ZNF581: variants seen among roughly 807,000 people sequenced by gnomAD.
ZNF581 encodes zinc finger protein 581.
In ZNF581, 1 loss-of-function variant was observed where a neutral mutation model predicts 1.2. The observed-to-expected ratio is 0.83, with a 90% confidence interval of 0.30 to 3.95. ZNF581 has a LOEUF of 3.95. ZNF581 is among the 30% of genes most tolerant of loss of function. The pLI is 0.18. For synonymous variants in ZNF581, 105 were observed against 109.2 expected, an observed-to-expected ratio of 0.96 and a Z score of 0.24; for missense variants, 273 against 274.6, an observed-to-expected ratio of 0.99 and a Z score of 0.04.
chr19:55,645,020 G>A lies in ZNF581; in HGVS notation c.449G>A (p.Cys150Tyr). 6.3e-7 allele frequency: 1 copy of A among 1,593,318 alleles called. No individual in the cohort carries two copies. Among genetic ancestry groups the A allele is most frequent in the Non-Finnish European group, 8.6e-7 (1 of 1,164,602 alleles). Residue 150 changes from cysteine (C) to tyrosine (Y), a missense_variant, in exon 2 of 2, where the codon TGC (cysteine) becomes TAC (tyrosine). Transcript: ENST00000270451. Reference sequence around the variant, plus strand: ...GGGCGGCCCCACGGCTGCCCGCTCTGCCCTCGCCGCTTCCGGGATGCGGGT... The same window carrying A: ...GGGCGGCCCCACGGCTGCCCGCTCTACCCTCGCCGCTTCCGGGATGCGGGT... ...GGGRPHGCPL[C>Y]PRRFRDAGEL...
At chr19:55,643,475 C>T (rs1485569487), upstream of ZNF581, 2 of 177,810 alleles carry the variant, frequency 1.1e-5, no homozygotes, top group African/African-American at 2.4e-5. Context: ...ACTCCATTTT[C>T]AGGCTCTTCC....
chr19:55,636,613 G>GGA (rs1982107186), upstream of ZNF581, among the ~76,000 whole-genome samples: 1 of 152,178 alleles, frequency 6.6e-6, no homozygotes, highest in African/African-American at 2.4e-5. Context: ...TGACCAGGAT[G>GGA]GAGCTGGGCC....
At chr19:55,640,501 C>G (rs1215135447), upstream of ZNF581, 6 of 985,480 alleles carry the variant, frequency 6.1e-6, no homozygotes, top group Non-Finnish European at 7.2e-6. Flanking sequence ...CTGTGGGCCT[C>G]GGTTCCCGCA....
chr19:55,640,682 C>G, upstream of ZNF581: 12 of 985,488 alleles, frequency 1.2e-5, no homozygotes, highest in Non-Finnish European at 1.4e-5. Context: ...AGGAACATCC[C>G]TTCTCCCGCC....
upstream of ZNF581, among the ~76,000 whole-genome samples, chr19:55,636,435 T>C (rs577139014): frequency 6.6e-6 from 1 of 152,216 alleles, no homozygotes; most frequent in South Asian, 2.1e-4. Flanking sequence ...CTCATGATCA[T>C]GTCTTGGGGT....
At chr19:55,637,148 G>A (rs1364832081), upstream of ZNF581, among the ~76,000 whole-genome samples, 1 of 152,054 alleles carries the variant, frequency 6.6e-6, no homozygotes, top group Non-Finnish European at 1.5e-5. Context: ...GGAGAGACAG[G>A]GTCTCAATAT....
At chr19:55,635,287 A>C, upstream of ZNF581, 1 of 152,364 alleles carries the variant, frequency 6.6e-6, no homozygotes, top group Non-Finnish European at 1.5e-5. Flanking sequence ...ATTGCCCCAG[A>C]GGCACAGGCC....
chr19:55,643,159 C>T, upstream of ZNF581: 1 of 1,244,396 alleles, frequency 8.0e-7, no homozygotes. Flanking sequence ...TCAGTTTCCC[C>T]ACCTTCCAAA....
At chr19:55,642,360 G>A, upstream of ZNF581, 1 of 1,279,608 alleles carries the variant, frequency 7.8e-7, no homozygotes, top group Non-Finnish European at 9.9e-7. Context: ...TGGAGTCACA[G>A]TTTTTATTTT....
At chr19:55,642,856 C>T (rs777439508), upstream of ZNF581, 7 of 1,571,568 alleles carry the variant, frequency 4.5e-6, no homozygotes, top group Non-Finnish European at 5.1e-6. Flanking sequence ...CGCACTCGGA[C>T]CTCAAGCCCT....
chr19:55,642,088 A>C, upstream of ZNF581: 1 of 992,598 alleles, frequency 1.0e-6, no homozygotes, highest in Non-Finnish European at 1.2e-6. Flanking sequence ...GGAAAAAAGA[A>C]GAAACCACAG....
At chr19:55,635,555 C>A in exon 1 of ZNF581, 2 of 553,504 alleles carry the variant, frequency 3.6e-6, no homozygotes, top group Non-Finnish European at 2.3e-6. Flanking sequence ...CATCTGATTG[C>A]CAGCCTCGCT....
chr19:55,642,878 G>C, upstream of ZNF581: 1 of 1,564,570 alleles, frequency 6.4e-7, no homozygotes, highest in East Asian at 2.4e-5. Context: ...CACGTGCGGC[G>C]CCTGCGGCAA....
upstream of ZNF581, chr19:55,640,753 A>G (rs374185839): frequency 8.1e-6 from 8 of 985,346 alleles, no homozygotes; most frequent in African/African-American, 8.7e-5. Flanking sequence ...AAAGAGGACA[A>G]ACCCTTGTGG....
At chr19:55,642,382 A>C (rs1043768820), upstream of ZNF581, 76 of 1,300,086 alleles carry the variant, frequency 5.8e-5, no homozygotes, top group Non-Finnish European at 7.1e-5. Context: ...CTAGGGAGGT[A>C]GTCAGTGGCG....
chr19:55,640,239 G>T (rs868383765), upstream of ZNF581: 106 of 985,458 alleles, frequency 1.1e-4, no homozygotes, highest in Middle Eastern at 4.7e-3. Context: ...CTCCAGTGCG[G>T]CTGCAGCGCC....
chr19:55,639,320 C>T (rs1280244915), upstream of ZNF581, among the ~76,000 whole-genome samples: 1 of 152,112 alleles, frequency 6.6e-6, no homozygotes, highest in African/African-American at 2.4e-5. Flanking sequence ...TGGTGGCCCA[C>T]GCCTGTAGTC....
At chr19:55,635,728 G>C (rs1430747877) in intron 1 of ZNF581, 1 of 988,126 alleles carries the variant, frequency 1.0e-6, no homozygotes, top group African/African-American at 1.7e-5. Context: ...GTGAGGGCAA[G>C]GGTGGGAAAG....
At chr19:55,642,532 AC>A (rs1411408241), upstream of ZNF581, 2 of 1,433,342 alleles carry the variant, frequency 1.4e-6, no homozygotes, top group South Asian at 1.6e-5. Context: ...CGCCGCGGCC[AC>A]CCCACCCTCG....
Sources: gnomAD v4.1 joint callset for allele counts (sites outside exome capture counted in the v4.1 genomes callset) on GRCh38, gnomAD v4.1.1 for gene constraint, MANE v1.5 for transcripts, NCBI Gene and HGNC (gene_info 2026-07-23, HGNC 2026-07-21) for gene names.